MAP3K4: variants seen among roughly 807,000 people sequenced by gnomAD.
The protein encoded by MAP3K4 is mitogen-activated protein kinase kinase kinase 4.
Under a neutral mutation model 185.6 loss-of-function variants are expected in MAP3K4, and 67 were observed. The observed-to-expected ratio is 0.36, with a 90% CI of 0.30 to 0.44. The LOEUF (loss-of-function observed/expected upper bound fraction) is 0.44, where lower values mean the gene tolerates loss of function less well. Ranked by LOEUF, MAP3K4 falls within the 20% of genes least tolerant of loss-of-function variation. The pLI, the probability that MAP3K4 is intolerant of heterozygous loss-of-function variation, is 1.00. For missense variants in MAP3K4, 1,551 were observed against 1,995.1 expected (o/e 0.78, Z 4.24); for synonymous variants, 702 against 710.4 (o/e 0.99, Z 0.19).
chr6:161,022,381 A>G lies in MAP3K4; in HGVS notation c.153-11878A>G, dbSNP rs781400455. Among the ~76,000 whole-genome samples, 2 of 152,234 alleles carry G rather than the reference A, an allele frequency of 1.3e-5. No homozygotes were observed. The highest frequency in any genetic ancestry group is 2.1e-4 in the South Asian group (1 of 4,830). On this transcript the variant is annotated intron_variant, in intron 1 of 26. Transcript: ENST00000392142. This position sits in a 1 kb window ranked among gnomAD's most constrained non-coding sequence, Gnocchi z 4.2. ...CCCTGGAGCTGAATTTAGATGCAGT[A>G]TCTTATCCAGAGTAATACCTTTATT...
At chr6:161,040,878 A>C (rs1783418519) in intron 2 of MAP3K4, among the ~76,000 whole-genome samples, 1 of 152,238 alleles carries the variant, frequency 6.6e-6, no homozygotes, top group Non-Finnish European at 1.5e-5. Flanking sequence ...AGGTCCACCC[A>C]CTTTCTCCCC....
intron 3 of MAP3K4, 107 bp downstream of exon 3, chr6:161,050,086 C>A: frequency 8.8e-7 from 1 of 1,132,658 alleles, no homozygotes; most frequent in Non-Finnish European, 1.3e-6. Context: ...TTTTTGAACA[C>A]AAATGGCAGT....
chr6:161,061,224 A>G lies in MAP3K4; in HGVS notation c.1708-9384A>G, dbSNP rs930038519. Among the ~76,000 whole-genome samples, 4 of 152,218 alleles carry G rather than the reference A, an allele frequency of 2.6e-5. No individual in the cohort carries two copies. The highest frequency in any genetic ancestry group is 5.9e-5 in the Non-Finnish European group (4 of 68,048). On this transcript the variant is annotated intron_variant, in intron 3 of 26. Transcript: ENST00000392142. This position sits in a 1 kb window ranked among gnomAD's most constrained non-coding sequence, Gnocchi z 4.2. ...GTTCTGTGATACCAGGTGTGACAGA[A>G]TATCAGATACTGACTATATTCCAAA...
Position 161,084,627 on chromosome 6 carries a change from G to A in MAP3K4, c.2372+10G>A, listed in dbSNP as rs757904973. On this transcript the variant is annotated intron_variant, in intron 7 of 26. Transcript: ENST00000392142. The surrounding 1 kb of genome is among the most constrained non-coding windows in gnomAD (Gnocchi z 4.6). ...CTTCCGACGAAATCAGGTTGGAGTTGTGCTTCCTTTCCCCTTCCACTTCTT... is the reference window on the plus strand; with the variant it reads ...CTTCCGACGAAATCAGGTTGGAGTTATGCTTCCTTTCCCCTTCCACTTCTT... 7.5e-6 allele frequency: 11 copies of A among 1,457,462 alleles called. No individual in the cohort carries two copies. The East Asian group carries it at 1.1e-4, about 15-fold the overall frequency. The allele number at this position is 1,457,462 out of a possible 1,614,324, so 90.3% of individuals were successfully genotyped here. A position where few individuals can be genotyped will look rare whatever the true frequency, so the allele number is the denominator to read the frequency against.
At chr6:161,059,160 G>C (rs982122554) in intron 3 of MAP3K4, among the ~76,000 whole-genome samples, 5 of 149,804 alleles carry the variant, frequency 3.3e-5, no homozygotes, top group African/African-American at 7.4e-5. Flanking sequence ...TTTTAAGTCA[G>C]AGCCTCACAC....
chr6:160,998,879 G>A lies in MAP3K4; in HGVS notation c.152+6796G>A, dbSNP rs528669714. ...CCTGCAGATCTCACACTGTGTAATC[G>A]AGTGCCTTTGCCTTTAAATATTTAT... On this transcript the variant is annotated intron_variant, in intron 1 of 26. Coordinates refer to ENST00000392142, the MANE Select transcript of MAP3K4 (RefSeq NM_005922.4). 2.3e-4 allele frequency among the ~76,000 whole-genome samples: 35 copies of A among 152,244 alleles called. 1 individual carries two copies. The East Asian group carries it at 5.0e-3, about 22-fold the overall frequency.
chr6:161,026,326 G>A lies in MAP3K4; in HGVS notation c.153-7933G>A, dbSNP rs578108390. ...TTTTTTTTGTATGTTTAGTAAAGAC[G>A]GGGTTTCACCATGTTAGCCAGGATG... On this transcript the variant is annotated intron_variant, in intron 1 of 26. Coordinates refer to ENST00000392142, the MANE Select transcript of MAP3K4 (RefSeq NM_005922.4). 2.6e-4 allele frequency among the ~76,000 whole-genome samples: 39 copies of A among 151,750 alleles called. No homozygotes were observed. In the East Asian group the frequency reaches 7.0e-3, roughly 27 times the overall value.
intron 1 of MAP3K4, among the ~76,000 whole-genome samples, chr6:160,994,862 A>C (rs1780919067): frequency 2.0e-5 from 3 of 152,184 alleles, no homozygotes; most frequent in Admixed American, 2.0e-4. Context: ...CACCAGGTCC[A>C]GCTCATTTTT....
intron 1 of MAP3K4, among the ~76,000 whole-genome samples, chr6:161,000,859 A>T (rs1194368734): frequency 1.3e-5 from 2 of 149,990 alleles, no homozygotes; most frequent in Non-Finnish European, 3.0e-5. Flanking sequence ...ACATATACAC[A>T]TGTGTACACA....
Position 161,052,153 on chromosome 6 carries a change from G to A in MAP3K4, c.1707+2174G>A, listed in dbSNP as rs758508667. Reference sequence around the variant, plus strand: ...TGGACATGTCGGGCTTCCGTAAACTGCTTCACCCACCCTCCCTCCCCAAAT... The same window carrying A: ...TGGACATGTCGGGCTTCCGTAAACTACTTCACCCACCCTCCCTCCCCAAAT... On this transcript the variant is annotated intron_variant, in intron 3 of 26. Transcript: ENST00000392142. Among the ~76,000 whole-genome samples, 90 of 152,146 alleles carry A rather than the reference G, an allele frequency of 5.9e-4. 1 individual carries two copies. Among genetic ancestry groups the A allele is most frequent in the Non-Finnish European group, 5.1e-4 (35 of 68,004 alleles).
At chr6:160,994,273 T>C (rs1428979853) in intron 1 of MAP3K4, among the ~76,000 whole-genome samples, 2 of 152,184 alleles carry the variant, frequency 1.3e-5, no homozygotes, top group African/African-American at 2.4e-5. Context: ...ACCAAATATG[T>C]AGTCTATTCC....
At chr6:161,104,009 G>A (rs537468526) in intron 19 of MAP3K4, among the ~76,000 whole-genome samples, 20 of 152,118 alleles carry the variant, frequency 1.3e-4, no homozygotes, top group Non-Finnish European at 2.1e-4. Context: ...CAGTTCCCAC[G>A]GATACCAGGT....
chr6:161,070,098 A>G lies in MAP3K4; in HGVS notation c.1708-510A>G, dbSNP rs1784872326. Among the ~76,000 whole-genome samples the G allele has an allele frequency of 2.0e-5, 3 of 152,214 alleles. No homozygotes were observed. The highest frequency in any genetic ancestry group is 2.0e-4 in the Admixed American group (3 of 15,278). ...TTTAATTTTTCTGTCAGCATCGTTC[A>G]TTACAGCTCAGGGGAACAAATGGAC... On this transcript the variant is annotated intron_variant, in intron 3 of 26. Transcript: ENST00000392142. The surrounding 1 kb of genome is among the most constrained non-coding windows in gnomAD (Gnocchi z 4.5).
Position 161,061,653 on chromosome 6 carries a change from C to T in MAP3K4, c.1708-8955C>T, listed in dbSNP as rs377724726. ...CTCACTAGCCCTATCTCTAGGCAAC[C>T]GCTAATCTACTTTCTGTCTCTTAAT... On this transcript the variant is annotated intron_variant, in intron 3 of 26. Transcript: ENST00000392142. This position sits in a 1 kb window ranked among gnomAD's most constrained non-coding sequence, Gnocchi z 4.2. Among the ~76,000 whole-genome samples the T allele has an allele frequency of 1.3e-4, 20 of 152,298 alleles. No individual in the cohort carries two copies. The East Asian group carries it at 2.1e-3, about 16-fold the overall frequency.
rs1784156113 is a variant in MAP3K4, at chr6:161,054,624, G to C, written c.1707+4645G>C. On this transcript the variant is annotated intron_variant, in intron 3 of 26. Transcript: ENST00000392142. This position sits in a 1 kb window ranked among gnomAD's most constrained non-coding sequence, Gnocchi z 4.2. ...ATGAAGTTGTAGCTCTGTACCTTCT[G>C]TAAATTGATTTCCTCAGGACACATT... 6.6e-6 allele frequency among the ~76,000 whole-genome samples: 1 copy of C among 152,202 alleles called. No individual in the cohort carries two copies. Among genetic ancestry groups the C allele is most frequent in the South Asian group, 2.1e-4 (1 of 4,828 alleles).
Position 161,061,733 on chromosome 6 carries a change from T to G in MAP3K4, c.1708-8875T>G, listed in dbSNP as rs1221489519. On this transcript the variant is annotated intron_variant, in intron 3 of 26. Transcript: ENST00000392142. This position sits in a 1 kb window ranked among gnomAD's most constrained non-coding sequence, Gnocchi z 4.2. ...TGGTATGTGGTCTTTTGAGACTGGC[T>G]TCTTTCATTTGCATAATGTTTTCAA... 6.6e-6 allele frequency among the ~76,000 whole-genome samples: 1 copy of G among 151,838 alleles called. No homozygotes were observed. The highest frequency in any genetic ancestry group is 1.9e-4 in the East Asian group (1 of 5,196).
At position 161,110,498 on chromosome 6, in the gene MAP3K4, C is replaced by T. The variant is rs1202515958; in HGVS notation, c.4396+584C>T. ...GTCACCGTGGCATTTGCCTTAACCACGCCATGCCCCTGACCTTTGTATTTG... is the reference window on the plus strand; with the variant it reads ...GTCACCGTGGCATTTGCCTTAACCATGCCATGCCCCTGACCTTTGTATTTG... On this transcript the variant is annotated intron_variant, in intron 23 of 26. Transcript: ENST00000392142. The surrounding 1 kb of genome is among the most constrained non-coding windows in gnomAD (Gnocchi z 4.8). Among the ~76,000 whole-genome samples, 5 of 152,208 alleles carry T rather than the reference C, an allele frequency of 3.3e-5. No individual in the cohort carries two copies. Among genetic ancestry groups the T allele is most frequent in the South Asian group, 2.1e-4 (1 of 4,830 alleles).
chr6:161,114,192 A>G lies in MAP3K4; in HGVS notation c.4627-931A>G, dbSNP rs1344155530. Among the ~76,000 whole-genome samples the G allele has an allele frequency of 6.6e-6, 1 of 152,232 alleles. No individual in the cohort carries two copies. The highest frequency in any genetic ancestry group is 6.5e-5 in the Admixed American group (1 of 15,284). ...TTTCCAATCTCTATCAAAATTTTAA[A>G]TGTGCATAGCACTTAAACCAAGAAG... On this transcript the variant is annotated intron_variant, in intron 25 of 26. Coordinates refer to ENST00000392142, the MANE Select transcript of MAP3K4 (RefSeq NM_005922.4). This position sits in a 1 kb window ranked among gnomAD's most constrained non-coding sequence, Gnocchi z 4.3.
Position 161,076,020 on chromosome 6 carries a change from A to G in MAP3K4, c.2097+2408A>G, listed in dbSNP as rs1472634052. On this transcript the variant is annotated intron_variant, in intron 5 of 26. Transcript: ENST00000392142. This position sits in a 1 kb window ranked among gnomAD's most constrained non-coding sequence, Gnocchi z 4.2. ...CCTTGTCTGGAAACCCACCGAAAAC[A>G]GCAAATGGAAAAATTCCTTCTTCAG... Among the ~76,000 whole-genome samples, 1 of 152,240 alleles carries G rather than the reference A, an allele frequency of 6.6e-6. No individual in the cohort carries two copies. Among genetic ancestry groups the G allele is most frequent in the Non-Finnish European group, 1.5e-5 (1 of 68,046 alleles).
Sources: allele counts gnomAD v4.1 joint callset (sites outside exome capture counted in the v4.1 genomes callset), GRCh38; gene constraint gnomAD v4.1.1; non-coding constraint Gnocchi (gnomAD v3.1); transcripts MANE v1.5; gene names NCBI Gene and HGNC (gene_info 2026-07-23, HGNC 2026-07-21).